INO80D: variants seen among roughly 807,000 people sequenced by gnomAD.
The protein encoded by INO80D is INO80 complex subunit D.
INO80D carries 21 observed loss-of-function variants against 87.6 expected under a neutral mutation model. That is an observed-to-expected ratio of 0.24 (90% CI 0.17 to 0.35). INO80D has a LOEUF of 0.35. Ranked by LOEUF, INO80D falls within the 10% of genes least tolerant of loss-of-function variation. INO80D has a pLI of 1.00. For synonymous variants in INO80D, 440 were observed against 491.0 expected (o/e 0.90, Z 1.37); for missense variants, 982 against 1,280.7 (o/e 0.77, Z 3.56).
At chr2:206,036,516 T>C (rs1483825884) in intron 5 of INO80D, among the ~76,000 whole-genome samples, 2 of 152,122 alleles carry the variant, frequency 1.3e-5, no homozygotes, top group African/African-American at 2.4e-5. Context: ...CTCACTGATA[T>C]GTGGGAGCTA....
intron 1 of INO80D, among the ~76,000 whole-genome samples, chr2:206,069,745 T>C (rs1005359195): frequency 6.6e-6 from 1 of 152,226 alleles, no homozygotes; most frequent in African/African-American, 2.4e-5. Context: ...TCCCATGTTA[T>C]AAACGAGAAA....
chr2:206,007,521 T>G, intron 9 of INO80D, 80 bp from the exon 10 acceptor site: 1 of 1,484,050 alleles, frequency 6.7e-7, no homozygotes, highest in Non-Finnish European at 9.1e-7. Context: ...TCATTCAACA[T>G]GAAAAGAAGC....
chr2:206,056,737 T>C lies in INO80D; in HGVS notation c.425A>G (p.Tyr142Cys). The C allele has an allele frequency of 6.2e-7, 1 of 1,613,418 alleles. No individual in the cohort carries two copies. The highest frequency in any genetic ancestry group is 8.5e-7 in the Non-Finnish European group (1 of 1,179,668). Residue 142 changes from tyrosine to cysteine, a missense_variant, in exon 4 of 11, where the codon TAC becomes TGC. By Grantham distance (194) the Tyr-to-Cys change is radical. Transcript: ENST00000403263. ...SPPGARVPLH[Y>C]LETELEDPFA... Reference sequence around the variant, plus strand: ...TGGGTCTTCCAATTCGGTTTCCAGGTAGTGGAGAGGGACCCTTGCCCCAGG... The same window carrying C: ...TGGGTCTTCCAATTCGGTTTCCAGGCAGTGGAGAGGGACCCTTGCCCCAGG...
intron 1 of INO80D, among the ~76,000 whole-genome samples, chr2:206,082,571 T>C (rs1037130183): frequency 1.3e-5 from 2 of 152,222 alleles, no homozygotes; most frequent in African/African-American, 4.8e-5. Flanking sequence ...GCTGCATGTG[T>C]AAGTTAAACT....
At chr2:206,007,478 C>A in intron 9 of INO80D, 37 bp from the exon 10 acceptor site, 2 of 1,571,710 alleles carry the variant, frequency 1.3e-6, no homozygotes, top group Non-Finnish European at 1.7e-6. Context: ...ATAACTCCCC[C>A]ATTATCTTCA....
chr2:206,084,240 T>TACACACAC (rs111836331), intron 1 of INO80D, among the ~76,000 whole-genome samples: 6 of 135,054 alleles, frequency 4.4e-5, no homozygotes, highest in South Asian at 2.3e-4. Context: ...ATGTTATACA[T>TACACACAC]ACACACACAC....
chr2:206,077,283 T>C (rs1311460063), intron 1 of INO80D, among the ~76,000 whole-genome samples: 1 of 150,964 alleles, frequency 6.6e-6, no homozygotes, highest in African/African-American at 2.4e-5. Flanking sequence ...GAGCTTGCAG[T>C]GAGCCAAGAT....
At chr2:206,036,644 C>G (rs893112218) in intron 5 of INO80D, among the ~76,000 whole-genome samples, 1 of 152,026 alleles carries the variant, frequency 6.6e-6, no homozygotes, top group Admixed American at 6.6e-5. Context: ...ATACTGATCT[C>G]ACAAATCACC....
intron 3 of INO80D, among the ~76,000 whole-genome samples, chr2:206,060,208 G>T (rs1420872861): frequency 6.6e-6 from 1 of 150,644 alleles, no homozygotes; most frequent in Non-Finnish European, 1.5e-5. Context: ...CCATCTCAAA[G>T]AAAAAAAAGA....
intron 1 of INO80D, among the ~76,000 whole-genome samples, chr2:206,078,817 G>A (rs374820207): frequency 2.6e-5 from 4 of 152,038 alleles, no homozygotes; most frequent in Non-Finnish European, 2.9e-5. Context: ...GGTGGTGGGC[G>A]CCTGTAATCC....
At chr2:206,076,961 T>C (rs535997325) in intron 1 of INO80D, among the ~76,000 whole-genome samples, 79 of 152,248 alleles carry the variant, frequency 5.2e-4, no homozygotes, top group African/African-American at 1.8e-3. Context: ...CCCCAGCATA[T>C]AGTAATCACT....
intron 5 of INO80D, chr2:206,040,560 C>T (rs1265381459): frequency 2.4e-5 from 6 of 250,400 alleles, no homozygotes; most frequent in East Asian, 1.1e-4. Flanking sequence ...TCCAAGCTCT[C>T]GTGGTTGGAA....
intron 5 of INO80D, among the ~76,000 whole-genome samples, chr2:206,044,418 G>C (rs1689138223): frequency 6.9e-6 from 1 of 145,202 alleles, no homozygotes; most frequent in South Asian, 2.2e-4. Context: ...CTGAGTGAAG[G>C]AAAAGAATGA....
chr2:206,066,408 T>C (rs747443847), intron 1 of INO80D, among the ~76,000 whole-genome samples: 1 of 152,208 alleles, frequency 6.6e-6, no homozygotes, highest in Non-Finnish European at 1.5e-5. Flanking sequence ...CTATTGATGA[T>C]ACCCAAGATA....
chr2:206,039,824 A>G lies in INO80D; in HGVS notation c.1073+6680T>C, dbSNP rs1160888384. 3.1e-4 allele frequency among the ~76,000 whole-genome samples: 47 copies of G among 151,474 alleles called. 1 individual carries two copies. Among genetic ancestry groups the G allele is most frequent in the Admixed American group, 8.5e-4 (13 of 15,220 alleles). ...GCCTCTGTCTCCAAAAAAAAAAAAA[A>G]AAAAGAAAGAAAGAAAGAAAAAATA... On this transcript the variant is annotated intron_variant, in intron 5 of 10. Transcript: ENST00000403263.
intron 5 of INO80D, among the ~76,000 whole-genome samples, chr2:206,032,213 G>A (rs542041923): frequency 2.6e-4 from 40 of 152,312 alleles, no homozygotes; most frequent in African/African-American, 8.4e-4. Flanking sequence ...GCCACAAATC[G>A]TCTGTGCAGA....
rs372635807 is a variant in INO80D, at chr2:206,017,900, A to C, written c.1409-87T>G. The C allele has an allele frequency of 1.7e-4, 203 of 1,178,716 alleles. No individual in the cohort carries two copies. The East Asian group carries it at 4.0e-3, about 23-fold the overall frequency. 73.0% of individuals were successfully genotyped at this position (1,178,716 alleles called of 1,614,324 possible). A position where few individuals can be genotyped will look rare whatever the true frequency, so the allele number is the denominator to read the frequency against. Reference sequence around the variant, plus strand: ...AAATTTGCTTGTTCCCTTACATTTCATAAGTACAAGCTTTATTATCCATAA... The same window carrying C: ...AAATTTGCTTGTTCCCTTACATTTCCTAAGTACAAGCTTTATTATCCATAA... On this transcript the variant is annotated intron_variant, in intron 7 of 10. Transcript: ENST00000403263.
At chr2:206,074,004 C>T (rs995754765) in intron 1 of INO80D, among the ~76,000 whole-genome samples, 2 of 152,050 alleles carry the variant, frequency 1.3e-5, no homozygotes, top group African/African-American at 4.8e-5. Context: ...CCACCATGCC[C>T]AGCCAAACTC....
rs548642453 is a variant in INO80D at position 206,046,815 on chromosome 2, T to C, written c.965-203A>G. ...TTGTTTTTGTTTGACAGAGTCTCACTCTGTCACCCAGGCTGGAGTGCAGTG... is the reference window on the plus strand; with the variant it reads ...TTGTTTTTGTTTGACAGAGTCTCACCCTGTCACCCAGGCTGGAGTGCAGTG... On this transcript the variant is annotated intron_variant, in intron 4 of 10. Coordinates refer to ENST00000403263, the MANE Select transcript of INO80D (RefSeq NM_017759.5). 2.6e-5 allele frequency among the ~76,000 whole-genome samples: 4 copies of C among 152,356 alleles called. No homozygotes were observed. In the East Asian group the frequency reaches 5.8e-4, roughly 22 times the overall value.
Sources: allele counts gnomAD v4.1 joint callset (sites outside exome capture counted in the v4.1 genomes callset), GRCh38; gene constraint gnomAD v4.1.1; transcripts MANE v1.5; gene names NCBI Gene and HGNC (gene_info 2026-07-23, HGNC 2026-07-21).